ALLC: variants seen among roughly 807,000 people sequenced by gnomAD.
ALLC encodes the protein allantoicase.
In ALLC, 40 loss-of-function variants were observed where a neutral mutation model predicts 45.0. That is an observed-to-expected ratio of 0.89 (90% CI 0.69 to 1.16). The LOEUF is 1.16. Ranked by LOEUF, ALLC falls within the 50% of genes most tolerant of loss-of-function variation. The pLI, the probability that ALLC is intolerant of heterozygous loss-of-function variation, is 0.00. For missense variants in ALLC, 488 were observed against 493.1 expected, an observed-to-expected ratio of 0.99 and a Z score of 0.10; for synonymous variants, 176 against 178.1, an observed-to-expected ratio of 0.99 and a Z score of 0.09.
chr2:3,698,255 G>A (rs537712665), intron 10 of ALLC, among the ~76,000 whole-genome samples: 7 of 152,280 alleles, frequency 4.6e-5, no homozygotes, highest in African/African-American at 1.7e-4. Context: ...GTGAGACCAT[G>A]CCCAGCCAAC....
At chr2:3,674,490 T>C (rs1399197579) in intron 3 of ALLC, among the ~76,000 whole-genome samples, 1 of 152,186 alleles carries the variant, frequency 6.6e-6, no homozygotes, top group African/African-American at 2.4e-5. Flanking sequence ...GGACAGCTTA[T>C]TAAAAAAATA....
At chr2:3,646,440 A>G in the ALLC span, among the ~76,000 whole-genome samples, 10 of 152,232 alleles carry the variant, frequency 6.6e-5, no homozygotes, top group East Asian at 1.9e-4. Flanking sequence ...AGTTCTTGAC[A>G]GGAATTTCTT....
intron 2 of ALLC, among the ~76,000 whole-genome samples, chr2:3,671,499 C>T (rs752770062): frequency 5.9e-5 from 9 of 151,398 alleles, no homozygotes; most frequent in African/African-American, 9.7e-5. Flanking sequence ...GGAGTTAAAT[C>T]GGAGGTCCTC....
chr2:3,647,365 T>G, the ALLC span, among the ~76,000 whole-genome samples: 1 of 151,808 alleles, frequency 6.6e-6, no homozygotes, highest in East Asian at 1.9e-4. Context: ...GCCTCGGGGG[T>G]GGGCATTCTT....
chr2:3,679,838 C>T (rs549818093), intron 4 of ALLC, 31 bp from the exon 5 acceptor site: 64 of 1,612,070 alleles, frequency 4.0e-5, no homozygotes, highest in South Asian at 2.4e-4. Flanking sequence ...TTGGCCCTAA[C>T]GAGACTGCTC....
chr2:3,696,602 A>T (rs1667680026), intron 9 of ALLC, among the ~76,000 whole-genome samples: 1 of 152,238 alleles, frequency 6.6e-6, no homozygotes, highest in South Asian at 2.1e-4. Flanking sequence ...TCTTCAATAA[A>T]GAAACAAAAG....
chr2:3,657,886 TTAA>T (rs1173321739), upstream of ALLC, among the ~76,000 whole-genome samples: 1 of 152,116 alleles, frequency 6.6e-6, no homozygotes, highest in Admixed American at 6.5e-5. Context: ...GTTTTCTGAG[TTAA>T]TGATGATTAG....
chr2:3,682,520 T>C (rs951798609), intron 6 of ALLC, among the ~76,000 whole-genome samples: 17 of 152,228 alleles, frequency 1.1e-4, no homozygotes, highest in Non-Finnish European at 1.3e-4. Flanking sequence ...CATCATTATT[T>C]ATTTATTTGT....
chr2:3,669,745 G>A (rs1666815854), intron 1 of ALLC, among the ~76,000 whole-genome samples: 1 of 152,222 alleles, frequency 6.6e-6, no homozygotes, highest in Admixed American at 6.5e-5. Flanking sequence ...GGGGTCTGAA[G>A]GTGCCACCAA....
chr2:3,699,700 T>C (rs1296169653), intron 10 of ALLC, among the ~76,000 whole-genome samples: 1 of 152,338 alleles, frequency 6.6e-6, no homozygotes, highest in South Asian at 2.1e-4. Flanking sequence ...CCATTCTGAC[T>C]GGGAGATTGT....
Position 3,702,510 on chromosome 2 carries a change from C to T in ALLC, c.1123C>T (p.Pro375Ser), listed in dbSNP as rs2148028695. The change falls in exon 12 of 12, where the codon CCC becomes TCC. Residue 375 changes from proline to serine, a missense_variant. Pro to Ser is a moderately conservative substitution (Grantham distance 74). Coordinates refer to ENST00000252505, the MANE Select transcript of ALLC (RefSeq NM_018436.4). The part of the protein sequence containing the change: ...GFPSSICLLR[P>S]REKPMLKFSV... ...CCCCAGCTCCATCTGCCTCCTGAGG[C>T]CCCGGGAGAAGCCCATGTTGAAGTT... 3 of 1,609,888 alleles carry T rather than the reference C, an allele frequency of 1.9e-6. No homozygotes were observed. Among genetic ancestry groups the T allele is most frequent in the Non-Finnish European group, 2.5e-6 (3 of 1,178,498 alleles).
chr2:3,666,232 G>A (rs867496707), intron 1 of ALLC, among the ~76,000 whole-genome samples: 3 of 152,364 alleles, frequency 2.0e-5, no homozygotes, highest in Middle Eastern at 6.8e-3. Flanking sequence ...TAGGCAAAAT[G>A]CCTGAGCGCT....
intron 1 of ALLC, among the ~76,000 whole-genome samples, chr2:3,668,157 G>A (rs529398267): frequency 1.3e-5 from 2 of 152,300 alleles, no homozygotes; most frequent in East Asian, 3.9e-4. Flanking sequence ...GATGCCTGGG[G>A]GCCGTGGGGG....
rs1667144368 is a variant in ALLC, at chr2:3,680,284, G to A, written c.298+290G>A. Among the ~76,000 whole-genome samples, 2 of 152,142 alleles carry A rather than the reference G, an allele frequency of 1.3e-5. No homozygotes were observed. The highest frequency in any genetic ancestry group is 1.3e-4 in the Admixed American group (2 of 15,288). ...ATCATCCCTGGAACGTGGGTGAGCA[G>A]GTTGCTGGTGGGCGGGAGGGAGTGG... On this transcript the variant is annotated intron_variant, in intron 5 of 11. Transcript: ENST00000252505. The surrounding 1 kb of genome is among the most constrained non-coding windows in gnomAD (Gnocchi z 4.0).
chr2:3,646,808 T>C, the ALLC span, among the ~76,000 whole-genome samples: 1 of 152,224 alleles, frequency 6.6e-6, no homozygotes, highest in Non-Finnish European at 1.5e-5. Flanking sequence ...TTTGAATATT[T>C]CTCCGTTTCT....
At position 3,679,924 on chromosome 2, in the gene ALLC, C is replaced by T. The variant is rs370292904; in HGVS notation, c.228C>T (p.Asp76=). 55 of 1,613,988 alleles carry T rather than the reference C, an allele frequency of 3.4e-5. No individual in the cohort carries two copies. In the Admixed American group the frequency reaches 4.0e-4, roughly 12 times the overall value. ...TCCAAGGAGTCATCCGGGGCTTCGA[C>T]GTGGACGTTTCTTACTTCACGGGAG... ...LGIQGVIRGF[D]VDVSYFTGDY... is the part of the protein sequence containing the mutation. The change falls in exon 5 of 12, where the codon GAC becomes GAT. Residue 76 remains aspartate, a synonymous_variant. Coordinates refer to ENST00000252505, the MANE Select transcript of ALLC (RefSeq NM_018436.4).
At chr2:3,659,420 T>C (rs1032355434) in intron 1 of ALLC, among the ~76,000 whole-genome samples, 1 of 152,212 alleles carries the variant, frequency 6.6e-6, no homozygotes, top group Admixed American at 6.5e-5. Context: ...AGTTGAAATT[T>C]GCAGGTAAAA....
At chr2:3,660,924 G>T (rs1666559964) in intron 1 of ALLC, among the ~76,000 whole-genome samples, 1 of 131,508 alleles carries the variant, frequency 7.6e-6, no homozygotes, top group Non-Finnish European at 1.6e-5. Flanking sequence ...GTTGCTTTAT[G>T]AGGAAGTTAA....
chr2:3,659,094 TA>T (rs750549669), intron 1 of ALLC, among the ~76,000 whole-genome samples: 1 of 152,140 alleles, frequency 6.6e-6, no homozygotes, highest in Non-Finnish European at 1.5e-5. Flanking sequence ...TATTTCACCA[TA>T]AATCTCATAC....
Sources: allele counts gnomAD v4.1 joint callset (sites outside exome capture counted in the v4.1 genomes callset), GRCh38; gene constraint gnomAD v4.1.1; non-coding constraint Gnocchi (gnomAD v3.1); transcripts MANE v1.5; gene names NCBI Gene and HGNC (gene_info 2026-07-23, HGNC 2026-07-21).